RBFOX1: variants seen among roughly 807,000 people sequenced by gnomAD.
RBFOX1 encodes RNA binding fox-1 homolog 1.
RBFOX1 carries 8 observed loss-of-function variants against 57.7 expected under a neutral mutation model. That is an observed-to-expected ratio of 0.14 (90% CI 0.08 to 0.25). The LOEUF is 0.25. RBFOX1 is among the 10% of genes least tolerant of loss of function. The pLI, the probability that RBFOX1 is intolerant of heterozygous loss-of-function variation, is 1.00. For missense variants in RBFOX1, 611 were observed against 548.5 expected, an observed-to-expected ratio of 1.11 and a Z score of -1.14; for synonymous variants, 326 against 222.4, an observed-to-expected ratio of 1.47 and a Z score of -4.15.
intron 2 of RBFOX1, among the ~76,000 whole-genome samples, chr16:6,394,093 A>G (rs2092719735): frequency 6.6e-6 from 1 of 152,152 alleles, no homozygotes; most frequent in African/African-American, 2.4e-5. Flanking sequence ...GTGCATCTCC[A>G]CTGCTTCAAA....
chr16:6,861,624 G>C (rs2059016946), intron 3 of RBFOX1, among the ~76,000 whole-genome samples: 2 of 151,708 alleles, frequency 1.3e-5, no homozygotes, highest in Non-Finnish European at 2.9e-5. Context: ...CTCTACATTG[G>C]GTCTTTATGT....
intron 1 of RBFOX1, among the ~76,000 whole-genome samples, chr16:5,338,345 T>C (rs939741242): frequency 6.6e-6 from 1 of 152,198 alleles, no homozygotes; most frequent in Non-Finnish European, 1.5e-5. Context: ...GAAGTAGAGA[T>C]GCTTGTTAAT....
At chr16:7,248,198 G>C (rs4635362) in intron 4 of RBFOX1, among the ~76,000 whole-genome samples, 99,466 of 152,064 alleles carry the variant, frequency 0.65, 34,793 homozygotes, top group African/African-American at 0.91. Context: ...CCAGCTCTCT[G>C]ATAGGGTCCC....
At chr16:5,753,840 G>C (rs568059365) in intron 3 of RBFOX1, among the ~76,000 whole-genome samples, 2 of 151,026 alleles carry the variant, frequency 1.3e-5, no homozygotes, top group Non-Finnish European at 2.9e-5. Context: ...CTGTGTTGAG[G>C]ATATAGAGTT....
chr16:5,556,337 G>C (rs893822984), intron 2 of RBFOX1, among the ~76,000 whole-genome samples: 2 of 152,210 alleles, frequency 1.3e-5, no homozygotes, highest in Non-Finnish European at 2.9e-5. Flanking sequence ...GTGGGGCCTT[G>C]CCTACCCTCC....
chr16:7,151,081 T>G (rs1005631148), intron 4 of RBFOX1, among the ~76,000 whole-genome samples: 1 of 152,210 alleles, frequency 6.6e-6, no homozygotes, highest in Admixed American at 6.5e-5. Flanking sequence ...GGCTGTTAAG[T>G]GTATTCTACT....
chr16:7,145,113 A>G (rs746430123), intron 4 of RBFOX1, among the ~76,000 whole-genome samples: 22 of 152,216 alleles, frequency 1.4e-4, no homozygotes, highest in Admixed American at 6.5e-5. Flanking sequence ...AGACATAAGC[A>G]CCTACAAGTC....
intron 4 of RBFOX1, among the ~76,000 whole-genome samples, chr16:7,138,497 C>G (rs1167308341): frequency 1.3e-5 from 2 of 152,174 alleles, no homozygotes; most frequent in South Asian, 4.1e-4. Context: ...GCATGCACAT[C>G]TCTGCCCACA....
At chr16:7,598,201 T>C (rs962671473) in intron 9 of RBFOX1, among the ~76,000 whole-genome samples, 1 of 152,142 alleles carries the variant, frequency 6.6e-6, no homozygotes, top group Non-Finnish European at 1.5e-5. Context: ...ATTAAAGCAA[T>C]GCAGTAAGTT....
intron 3 of RBFOX1, among the ~76,000 whole-genome samples, chr16:6,965,366 G>C (rs1201755325): frequency 7.0e-6 from 1 of 141,988 alleles, no homozygotes; most frequent in Non-Finnish European, 1.5e-5. Context: ...TGTGTATGAT[G>C]GAGTCTTGGT....
At chr16:5,405,017 C>G (rs1846912225) in intron 1 of RBFOX1, among the ~76,000 whole-genome samples, 1 of 152,190 alleles carries the variant, frequency 6.6e-6, no homozygotes, top group African/African-American at 2.4e-5. Flanking sequence ...ATAATTCATT[C>G]TGTGAGTTAG....
chr16:6,725,756 G>C (rs1200527687), intron 3 of RBFOX1, among the ~76,000 whole-genome samples: 1 of 151,940 alleles, frequency 6.6e-6, no homozygotes, highest in Non-Finnish European at 1.5e-5. Context: ...TTCTATAAAT[G>C]AACCAAAAAT....
In RBFOX1 at chr16:5,867,424, T is replaced by C. The variant is rs116498445; in HGVS notation, c.351+89T>C. On this transcript the variant is annotated intron_variant, in intron 4 of 19. Coordinates refer to the RBFOX1 transcript ENST00000641259. ...AGTGTAACGAGCATTCTAGCAATGATTCTTCCGTGTTTCATTTCCTGGTGG... is the reference window on the plus strand; with the variant it reads ...AGTGTAACGAGCATTCTAGCAATGACTCTTCCGTGTTTCATTTCCTGGTGG... 468 of 861,316 alleles carry C rather than the reference T, an allele frequency of 5.4e-4. 3 individuals carry two copies. In the African/African-American group the frequency reaches 7.7e-3, roughly 14 times the overall value. The allele number at this position is 861,316 out of a possible 1,614,324, so 53.4% of individuals were successfully genotyped here.
intron 2 of RBFOX1, among the ~76,000 whole-genome samples, chr16:6,503,389 A>T (rs906949663): frequency 6.6e-6 from 1 of 152,134 alleles, no homozygotes; most frequent in Non-Finnish European, 1.5e-5. Flanking sequence ...TTTGCTGGTA[A>T]CAAACAATTC....
In RBFOX1 at chr16:5,946,394, A is replaced by G. The variant is rs2059400599; in HGVS notation, c.351+79059A>G. On this transcript the variant is annotated intron_variant, in intron 4 of 19. Coordinates refer to the RBFOX1 transcript ENST00000641259. This position sits in a 1 kb window ranked among gnomAD's most constrained non-coding sequence, Gnocchi z 4.6. ...TTCGTTTGCTCATGGATGTTTATCA[A>G]ACACCAACCAAGTGCCGGATGCACT... 6.6e-6 allele frequency among the ~76,000 whole-genome samples: 1 copy of G among 152,164 alleles called. No individual in the cohort carries two copies. The highest frequency in any genetic ancestry group is 6.5e-5 in the Admixed American group (1 of 15,278).
intron 4 of RBFOX1, among the ~76,000 whole-genome samples, chr16:5,980,009 T>A (rs1229535258): frequency 6.6e-6 from 1 of 152,196 alleles, no homozygotes; most frequent in African/African-American, 2.4e-5. Context: ...CAGAAACTGC[T>A]GTGCTAGGGA....
rs1357302957 is a variant in RBFOX1, at chr16:5,378,425, T to A, written c.220-88791T>A. Among the ~76,000 whole-genome samples the A allele has an allele frequency of 1.3e-5, 2 of 151,494 alleles. 1 individual carries two copies. Among genetic ancestry groups the A allele is most frequent in the African/African-American group, 4.9e-5 (2 of 40,796 alleles). ...CCAGGATCGGGGAGTTAGCCTCCCT[T>A]CGAACACTCCAGGAAGAGTCCTGGC... is the stretch of plus-strand genomic sequence containing the variant. On this transcript the variant is annotated intron_variant, in intron 1 of 2. Coordinates refer to the RBFOX1 transcript ENST00000585867.
intron 3 of RBFOX1, among the ~76,000 whole-genome samples, chr16:7,043,764 C>T (rs546282437): frequency 1.3e-5 from 2 of 152,266 alleles, no homozygotes; most frequent in Admixed American, 6.5e-5. Context: ...CTACTTTCCC[C>T]AGTTCAAGTT....
chr16:7,278,349 T>G (rs907407138), intron 4 of RBFOX1, among the ~76,000 whole-genome samples: 3 of 152,182 alleles, frequency 2.0e-5, no homozygotes, highest in Admixed American at 1.3e-4. Context: ...GGTGAAGTCT[T>G]AAATTTACCC....
Sources: allele counts gnomAD v4.1 joint callset (sites outside exome capture counted in the v4.1 genomes callset), GRCh38; gene constraint gnomAD v4.1.1; non-coding constraint Gnocchi (gnomAD v3.1); transcripts MANE v1.5; gene names NCBI Gene and HGNC (gene_info 2026-07-23, HGNC 2026-07-21).